STARD5: variants seen among roughly 807,000 people sequenced by gnomAD.
The protein encoded by STARD5 is stAR-related lipid transfer protein 5.
A neutral mutation model predicts 24.6 loss-of-function variants in STARD5; 26 were observed. The ratio of observed to expected loss-of-function variants is 1.06; its 90% CI spans 0.77 to 1.47. The LOEUF is 1.47. Among genes scored for constraint, STARD5 ranks in the 40% most tolerant of loss-of-function variants. The pLI is 0.00. For synonymous variants in STARD5, 101 were observed against 99.7 expected (o/e 1.01, Z -0.07); for missense variants, 254 against 270.8 (o/e 0.94, Z 0.44).
Position 81,318,413 on chromosome 15 carries a change from G to A in STARD5, c.490C>T (p.Pro164Ser). 3.7e-6 allele frequency: 6 copies of A among 1,613,930 alleles called. No individual in the cohort carries two copies. The highest frequency in any genetic ancestry group is 5.1e-6 in the Non-Finnish European group (6 of 1,179,898). ...AATGCAGGAAATTATCCTTACCCTG[G>A]AAGAGGTTCACAGAAGCAACCACAA... The part of the protein sequence containing the change: ...HPCGCFCEPL[P>S]GEPTKTNLVT... The change falls in exon 5 of 6, where the codon CCA becomes TCA. Residue 164 changes from proline (P) to serine (S), a missense_variant. Coordinates refer to ENST00000302824, the MANE Select transcript of STARD5 (RefSeq NM_181900.3).
chr15:81,319,299 A>G lies in STARD5; in HGVS notation c.400+40T>C, dbSNP rs921831856. The G allele has an allele frequency of 1.9e-6, 3 of 1,548,246 alleles. No homozygotes were observed. The African/African-American group carries it at 4.1e-5, about 21-fold the overall frequency. On this transcript the variant is annotated intron_variant, in intron 4 of 5. Coordinates refer to ENST00000302824, the MANE Select transcript of STARD5 (RefSeq NM_181900.3). ...TGGGGTGCAGAAGAGAAAGCTCGATATCGCAGGAAGGCATGGCAGCTCCTC... is the reference window on the plus strand; with the variant it reads ...TGGGGTGCAGAAGAGAAAGCTCGATGTCGCAGGAAGGCATGGCAGCTCCTC...
In STARD5 at chr15:81,322,515, C is replaced by CAT. The variant is rs1227286425; in HGVS notation, c.173_174dup (p.Gly59MetfsTer4). The CAT allele has an allele frequency of 6.2e-7, 1 of 1,614,162 alleles. No individual in the cohort carries two copies. The highest frequency in any genetic ancestry group is 1.7e-5 in the Admixed American group (1 of 60,022). ...CAGTCCCACACCTCCTCTAGTGTCC[C>CAT]ATATACAATGCCTTCTCCTCGGTAC... is the stretch of plus-strand genomic sequence containing the variant. On this transcript the variant is annotated frameshift_variant, in exon 3 of 6. Coordinates refer to ENST00000302824, the MANE Select transcript of STARD5 (RefSeq NM_181900.3). LOFTEE classifies it high-confidence loss of function.
At position 81,314,674 on chromosome 15, in the gene STARD5, T is replaced by G. The variant is rs532420203; in HGVS notation, c.495-1271A>C. 2.6e-5 allele frequency among the ~76,000 whole-genome samples: 4 copies of G among 151,890 alleles called. No homozygotes were observed. In the East Asian group the frequency reaches 7.8e-4, roughly 29 times the overall value. The stretch of plus-strand genomic sequence containing the variant: ...GTCGAGGCAGGTGGATCACCTGAGG[T>G]CAGGAGTTCGAGACCAATCTGGACA... On this transcript the variant is annotated intron_variant, in intron 5 of 5. Coordinates refer to ENST00000302824, the MANE Select transcript of STARD5 (RefSeq NM_181900.3).
rs750997387 is a variant in STARD5 at position 81,324,018 on chromosome 15, T to A, written c.82A>T (p.Lys28Ter). The change falls in exon 1 of 6, where the codon AAG (lysine) becomes TAG (stop). Residue 28 changes from lysine (K) to a stop codon, truncating the protein, a stop_gained. Transcript: ENST00000302824. LOFTEE classifies it high-confidence loss of function. ...LQYRRDTAGW[K>*]ICREGNGVSV... The stretch of plus-strand genomic sequence containing the variant: ...TCACTCACGCCTTCCCGGCAAATCT[T>A]CCAGCCTGCTGTGTCCCGCCGGTAC... 9 of 1,602,442 alleles carry A rather than the reference T, an allele frequency of 5.6e-6. No homozygotes were observed. The highest frequency in any genetic ancestry group is 7.7e-6 in the Non-Finnish European group (9 of 1,174,372).
intron 4 of STARD5, 121 bp from the exon 5 acceptor site, chr15:81,318,623 T>A: frequency 2.4e-6 from 2 of 830,104 alleles, no homozygotes; most frequent in Non-Finnish European, 3.8e-6. Context: ...GAGGGACTCC[T>A]GCCTCTTGGC....
intron 3 of STARD5, among the ~76,000 whole-genome samples, chr15:81,322,016 T>A (rs6495563): frequency 1 from 152,271 of 152,378 alleles, 76,082 homozygotes; most frequent in Middle Eastern, 1. Flanking sequence ...ATCTGTTGGA[T>A]GCATGTAAGC....
intron 5 of STARD5, among the ~76,000 whole-genome samples, chr15:81,315,077 A>C (rs1430442054): frequency 6.6e-6 from 1 of 151,382 alleles, no homozygotes; most frequent in Non-Finnish European, 1.5e-5. Context: ...GGGGACAGAG[A>C]CTTCCTTCCA....
chr15:81,324,125 G>A lies in STARD5; in HGVS notation c.-26C>T, dbSNP rs1420210622. ...TGCGTCGGGAGCTGCGCTTAGCTGC[G>A]GGGTCGCGGGTGTTATGAGCGGCGG... On this transcript the variant is annotated 5_prime_UTR_variant, in exon 1 of 6. Transcript: ENST00000302824. 7.5e-7 allele frequency: 1 copy of A among 1,325,830 alleles called. No homozygotes were observed. Among genetic ancestry groups the A allele is most frequent in the Non-Finnish European group, 9.7e-7 (1 of 1,028,924 alleles). The allele number at this position is 1,325,830 out of a possible 1,614,324, so 82.1% of individuals were successfully genotyped here. A position where few individuals can be genotyped will look rare whatever the true frequency, so the allele number is the denominator to read the frequency against.
rs1048917006 is a variant in STARD5, at chr15:81,312,537, T to C, written c.*719A>G. 3 of 152,240 alleles carry C rather than the reference T, an allele frequency of 2.0e-5. No individual in the cohort carries two copies. The highest frequency in any genetic ancestry group is 7.2e-5 in the African/African-American group (3 of 41,460). 9.4% of individuals were successfully genotyped at this position (152,240 alleles called of 1,614,324 possible). ...TCAGTTCAGAATCACTTCTGAGAAC[T>C]CATCCCTAATGCTGCAGATTTGGGC... On this transcript the variant is annotated 3_prime_UTR_variant, in exon 6 of 6. Transcript: ENST00000302824.
At chr15:81,320,538 C>T (rs1901175048) in intron 3 of STARD5, among the ~76,000 whole-genome samples, 1 of 152,144 alleles carries the variant, frequency 6.6e-6, no homozygotes, top group Non-Finnish European at 1.5e-5. Flanking sequence ...CATGAATTGT[C>T]CCAGTGTGTA....
rs903139109 is a variant in STARD5 at position 81,323,787 on chromosome 15, G to A, written c.99+214C>T. On this transcript the variant is annotated intron_variant, in intron 1 of 5. Transcript: ENST00000302824. ...ACCTTGGGCAAGTCACTGAGTGAAAGGAACAGATACTTACCACCTGAAGTC... is the reference window on the plus strand; with the variant it reads ...ACCTTGGGCAAGTCACTGAGTGAAAAGAACAGATACTTACCACCTGAAGTC... 8.5e-6 allele frequency: 6 copies of A among 707,776 alleles called. No individual in the cohort carries two copies. The Admixed American group carries it at 1.4e-4, about 17-fold the overall frequency. The allele number at this position is 707,776 out of a possible 1,614,324, so 43.8% of individuals were successfully genotyped here.
rs1893335066 is a variant in STARD5 at position 81,323,728 on chromosome 15, C to T, written c.99+273G>A. The T allele has an allele frequency of 5.0e-6, 4 of 799,894 alleles. No individual in the cohort carries two copies. The East Asian group carries it at 1.1e-4, about 21-fold the overall frequency. 49.5% of individuals were successfully genotyped at this position (799,894 alleles called of 1,614,324 possible). A position where few individuals can be genotyped will look rare whatever the true frequency, so the allele number is the denominator to read the frequency against. Reference sequence around the variant, plus strand: ...TTTACTTTTACCACTGTCACAGAAACATCCAGTCCTAAACAGCATTCAACA... The same window carrying T: ...TTTACTTTTACCACTGTCACAGAAATATCCAGTCCTAAACAGCATTCAACA... On this transcript the variant is annotated intron_variant, in intron 1 of 5. Coordinates refer to ENST00000302824, the MANE Select transcript of STARD5 (RefSeq NM_181900.3).
chr15:81,315,910 G>A (rs970269990), intron 5 of STARD5, among the ~76,000 whole-genome samples: 3 of 152,148 alleles, frequency 2.0e-5, no homozygotes, highest in African/African-American at 7.2e-5. Context: ...TAGCAGTTAA[G>A]ACCAAAGTCA....
chr15:81,320,071 T>C (rs1297582295), intron 3 of STARD5, among the ~76,000 whole-genome samples: 1 of 152,214 alleles, frequency 6.6e-6, no homozygotes, highest in Non-Finnish European at 1.5e-5. Flanking sequence ...ACTCTCATTT[T>C]ATAAACCAAG....
At chr15:81,313,451 T>TG (rs753427861) in intron 5 of STARD5, 48 bp from the exon 6 acceptor site, 9 of 1,449,390 alleles carry the variant, frequency 6.2e-6, no homozygotes, top group African/African-American at 1.5e-5. Context: ...GCAGAGGTGC[T>TG]GGGGACGAGC....
chr15:81,313,462 G>A (rs976158769), intron 5 of STARD5, 59 bp from the exon 6 acceptor site: 26 of 1,431,936 alleles, frequency 1.8e-5, no homozygotes, highest in Middle Eastern at 2.4e-4. Flanking sequence ...GGGGACGAGC[G>A]CCAGGCAGGT....
At chr15:81,323,763 C>G in intron 1 of STARD5, 2 of 727,132 alleles carry the variant, frequency 2.8e-6, no homozygotes, top group Admixed American at 2.3e-5. Flanking sequence ...AGCCAGGTGA[C>G]CTTGGGCAAG....
At position 81,309,132 on chromosome 15, in the gene STARD5, T is replaced by C. The variant is rs1900724078; in HGVS notation, c.*4124A>G. Reference sequence around the variant, plus strand: ...TGGCTTCGCAAAATGTTTCAAGTACTGTAACTGTGTCATGATTCACCCCCA... The same window carrying C: ...TGGCTTCGCAAAATGTTTCAAGTACCGTAACTGTGTCATGATTCACCCCCA... On this transcript the variant is annotated 3_prime_UTR_variant, in exon 6 of 6. Transcript: ENST00000302824. 2 of 237,808 alleles carry C rather than the reference T, an allele frequency of 8.4e-6. No homozygotes were observed. Among genetic ancestry groups the C allele is most frequent in the Admixed American group, 5.5e-5 (1 of 18,082 alleles). 14.7% of individuals were successfully genotyped at this position (237,808 alleles called of 1,614,324 possible).
At position 81,322,550 on chromosome 15, in the gene STARD5, G is replaced by T; in HGVS notation, c.150-10C>A. The T allele has an allele frequency of 1.9e-6, 3 of 1,613,992 alleles. No individual in the cohort carries two copies. The highest frequency in any genetic ancestry group is 2.5e-6 in the Non-Finnish European group (3 of 1,179,978). On this transcript the variant is annotated splice_polypyrimidine_tract_variant and intron_variant, in intron 2 of 5. Transcript: ENST00000302824. ...GCCTTCTCCTCGGTACCTGGAGCAC[G>T]AAAAGGAATTTGACCCCAACGCATC... is the stretch of plus-strand genomic sequence containing the variant.
Sources: allele counts gnomAD v4.1 joint callset (sites outside exome capture counted in the v4.1 genomes callset), GRCh38; gene constraint gnomAD v4.1.1; transcripts MANE v1.5; gene names NCBI Gene and HGNC (gene_info 2026-07-23, HGNC 2026-07-21).